Variants in SLC11A2 observed in about 807,000 individuals in gnomAD.
The protein encoded by SLC11A2 is natural resistance-associated macrophage protein 2.
SLC11A2 carries 38 observed loss-of-function variants against 68.0 expected under a neutral mutation model. The observed-to-expected ratio is 0.56, with a 90% CI of 0.43 to 0.73. SLC11A2 has a LOEUF of 0.73. Ranked by LOEUF, SLC11A2 falls within the 30% of genes least tolerant of loss-of-function variation. The pLI, the probability that SLC11A2 is intolerant of heterozygous loss-of-function variation, is 0.00. For missense variants in SLC11A2, 517 were observed against 690.5 expected (o/e 0.75, Z 2.82); for synonymous variants, 242 against 250.6 (o/e 0.97, Z 0.32).
intron 1 of SLC11A2, among the ~76,000 whole-genome samples, chr12:51,012,640 A>C (rs963872690): frequency 5.9e-5 from 9 of 152,228 alleles, no homozygotes; most frequent in African/African-American, 2.2e-4. Context: ...GAATTACAGA[A>C]TTCAGACCAG....
the SLC11A2 span, among the ~76,000 whole-genome samples, chr12:50,964,983 A>G: frequency 2.6e-5 from 4 of 152,188 alleles, no homozygotes; most frequent in Admixed American, 1.3e-4. Context: ...TTGGCCTCCC[A>G]AAGTGTTGGG....
rs977765058 is a variant in SLC11A2, at chr12:50,986,899, C to T, written c.*1426G>A. 1.5e-5 allele frequency: 19 copies of T among 1,287,052 alleles called. No homozygotes were observed. Among genetic ancestry groups the T allele is most frequent in the Middle Eastern group, 3.2e-4 (1 of 3,086 alleles). 79.7% of individuals were successfully genotyped at this position (1,287,052 alleles called of 1,614,324 possible). ...TGCTTTTGGGGGCTCAGATGAACAG[C>T]GAACACCAATCAGCCAGGACTCTGG... On this transcript the variant is annotated 3_prime_UTR_variant, in exon 16 of 16. Coordinates refer to ENST00000262052, the MANE Select transcript of SLC11A2 (RefSeq NM_000617.3).
the SLC11A2 span, among the ~76,000 whole-genome samples, chr12:50,972,469 G>A: frequency 1.1e-4 from 16 of 152,316 alleles, no homozygotes; most frequent in South Asian, 1.0e-3. Context: ...GGTCACAATC[G>A]AATCACTCGG....
intron 3 of SLC11A2, 30 bp from the exon 4 acceptor site, chr12:51,005,466 GA>G (rs765261736): frequency 6.2e-7 from 1 of 1,611,706 alleles, no homozygotes; most frequent in African/African-American, 1.3e-5. Context: ...AGATTAAACT[GA>G]ACATCACCAT....
intron 1 of SLC11A2, among the ~76,000 whole-genome samples, chr12:51,016,847 CAAAAAAAAAAAAAAAA>C (rs34208777): frequency 1.6e-5 from 1 of 60,766 alleles, no homozygotes; most frequent in Non-Finnish European, 3.3e-5. Flanking sequence ...AACTCTGTCT[CAAAAAAAAAAAAAAAA>C]AAAAAAAATT....
chr12:50,982,823 C>G (rs1400154915), downstream of SLC11A2, among the ~76,000 whole-genome samples: 1 of 151,740 alleles, frequency 6.6e-6, no homozygotes, highest in Non-Finnish European at 1.5e-5. Context: ...TGCCTGTAAT[C>G]CCAGCTACTC....
intron 13 of SLC11A2, 70 bp downstream of exon 13, chr12:50,992,120 C>T: frequency 6.7e-7 from 1 of 1,503,554 alleles, no homozygotes; most frequent in South Asian, 1.1e-5. Context: ...CTCAGCTAGG[C>T]TTGGTACCCA....
intron 1 of SLC11A2, among the ~76,000 whole-genome samples, chr12:51,021,299 T>G (rs1944027614): frequency 6.6e-6 from 1 of 152,060 alleles, no homozygotes; most frequent in Non-Finnish European, 1.5e-5. Context: ...AGTAATAATC[T>G]CAAAATTGGA....
the SLC11A2 span, among the ~76,000 whole-genome samples, chr12:50,971,447 A>C: frequency 6.6e-6 from 1 of 152,242 alleles, no homozygotes; most frequent in Admixed American, 6.5e-5. Flanking sequence ...TTCTAGGAAT[A>C]CAAAGGTAAA....
In SLC11A2 at chr12:50,987,386, A is replaced by G. The variant is rs1328963675; in HGVS notation, c.*939T>C. 2 of 1,287,104 alleles carry G rather than the reference A, an allele frequency of 1.6e-6. No individual in the cohort carries two copies. Among genetic ancestry groups the G allele is most frequent in the Non-Finnish European group, 2.0e-6 (2 of 988,700 alleles). The allele number at this position is 1,287,104 out of a possible 1,614,324, so 79.7% of individuals were successfully genotyped here. A position where few individuals can be genotyped will look rare whatever the true frequency, so the allele number is the denominator to read the frequency against. On this transcript the variant is annotated 3_prime_UTR_variant, in exon 16 of 16. Transcript: ENST00000262052. ...AGAAAAACATGACGATTCTGCTGAG[A>G]GGTGGCTTTAGGAACAAAATAGATG...
At chr12:51,013,426 G>T (rs1453468266) in intron 1 of SLC11A2, among the ~76,000 whole-genome samples, 2 of 149,942 alleles carry the variant, frequency 1.3e-5, no homozygotes, top group African/African-American at 2.5e-5. Context: ...AAGTAGCTAG[G>T]ATTACAGGCG....
At chr12:51,003,516 A>AACT (rs1300942384) in intron 5 of SLC11A2, among the ~76,000 whole-genome samples, 2 of 151,446 alleles carry the variant, frequency 1.3e-5, no homozygotes, top group Non-Finnish European at 2.9e-5. Context: ...CTGAACTCTG[A>AACT]ACTCCAGCCT....
rs1940818391 is a variant in SLC11A2, at chr12:50,988,442, G to A, written c.1576-7C>T. On this transcript the variant is annotated splice_polypyrimidine_tract_variant and splice_region_variant and intron_variant, in intron 15 of 15. Coordinates refer to ENST00000262052, the MANE Select transcript of SLC11A2 (RefSeq NM_000617.3). ...CAATCAAACATTGCCAACCCTGAAAGACAAAATATGGTCATCACTCACCAG... is the reference window on the plus strand; with the variant it reads ...CAATCAAACATTGCCAACCCTGAAAAACAAAATATGGTCATCACTCACCAG... The A allele has an allele frequency of 6.2e-7, 1 of 1,613,788 alleles. No homozygotes were observed. Among genetic ancestry groups the A allele is most frequent in the Non-Finnish European group, 8.5e-7 (1 of 1,179,870 alleles).
chr12:51,008,600 T>A lies in SLC11A2; in HGVS notation c.59A>T (p.Glu20Val), dbSNP rs757537090. ...GTTGATGTTACCAAGACTGGCAGAC[T>A]CCCCATGATCTCCAGAAACACTGTC... ...SDDSVSGDHG[E>V]SASLGNINPA... The change falls in exon 3 of 16, where the codon GAG becomes GTG. Residue 20 changes from glutamate to valine, a missense_variant. Physicochemically the swap from Glu to Val is moderately radical, Grantham distance 121. Coordinates refer to ENST00000262052, the MANE Select transcript of SLC11A2 (RefSeq NM_000617.3). 1.2e-6 allele frequency: 2 copies of A among 1,612,954 alleles called. No individual in the cohort carries two copies. Among genetic ancestry groups the A allele is most frequent in the African/African-American group, 2.7e-5 (2 of 74,960 alleles).
upstream of SLC11A2, chr12:51,026,423 C>A (rs1263942562): frequency 8.6e-7 from 1 of 1,163,396 alleles, no homozygotes. Flanking sequence ...GTCGACAGGA[C>A]GGCAGCCGCA....
chr12:51,025,083 T>C (rs1944289582), intron 1 of SLC11A2, among the ~76,000 whole-genome samples: 1 of 152,174 alleles, frequency 6.6e-6, no homozygotes, highest in Admixed American at 6.5e-5. Flanking sequence ...CAACCGTATT[T>C]AATAAAACAA....
the SLC11A2 span, among the ~76,000 whole-genome samples, chr12:50,969,296 AAAAAT>A: frequency 1.3e-5 from 2 of 148,920 alleles, no homozygotes; most frequent in Non-Finnish European, 3.0e-5. Flanking sequence ...CCCATCTCAA[AAAAAT>A]AAAATAAGTA....
Position 51,019,549 on chromosome 12 carries a change from T to C in SLC11A2, c.-39+6761A>G, listed in dbSNP as rs1169470701. Reference sequence around the variant, plus strand: ...TTAATGAGGAAGGTTATTAATCACTTTTTTAAAATAAGAGATTATTACTCT... The same window carrying C: ...TTAATGAGGAAGGTTATTAATCACTCTTTTAAAATAAGAGATTATTACTCT... On this transcript the variant is annotated intron_variant, in intron 1 of 15. Transcript: ENST00000262052. 2.0e-5 allele frequency among the ~76,000 whole-genome samples: 3 copies of C among 152,194 alleles called. No homozygotes were observed. In the East Asian group the frequency reaches 5.8e-4, roughly 29 times the overall value.
the SLC11A2 span, among the ~76,000 whole-genome samples, chr12:50,955,948 T>TATAATAAC: frequency 2.0e-5 from 3 of 152,120 alleles, no homozygotes; most frequent in Non-Finnish European, 2.9e-5. Flanking sequence ...CCAGCTAAAT[T>TATAATAAC]CAATTATAAA....
Sources: allele counts gnomAD v4.1 joint callset (sites outside exome capture counted in the v4.1 genomes callset), GRCh38; gene constraint gnomAD v4.1.1; transcripts MANE v1.5; gene names NCBI Gene and HGNC (gene_info 2026-07-23, HGNC 2026-07-21).